MRPL47: variants seen among roughly 807,000 people sequenced by gnomAD.
MRPL47 encodes large ribosomal subunit protein uL29m.
MRPL47 carries 31 observed loss-of-function variants against 34.0 expected under a neutral mutation model. The observed-to-expected ratio is 0.91, with a 90% CI of 0.68 to 1.23. The LOEUF (loss-of-function observed/expected upper bound fraction) is 1.23, where lower values mean the gene tolerates loss of function less well. Among genes scored for constraint, MRPL47 ranks in the 50% most tolerant of loss-of-function variants. The pLI is 0.00. For missense variants in MRPL47, 328 were observed against 285.8 expected (o/e 1.15, Z -1.07); for synonymous variants, 106 against 101.6 (o/e 1.04, Z -0.26).
rs777428724 is a variant in MRPL47 at position 179,604,562 on chromosome 3, T to G, written c.63A>C (p.Arg21=). The G allele has an allele frequency of 6.2e-7, 1 of 1,614,202 alleles. No individual in the cohort carries two copies. The highest frequency in any genetic ancestry group is 1.1e-5 in the South Asian group (1 of 91,084). ...CAGGGACCTGAGGAGTTATTAACGA[T>G]CGGGAAGATTTCAGGGCGGATGAAA... ...RRVSSALKSS[R]SLITPQVPAC... Residue 21 remains arginine, a synonymous_variant, in exon 1 of 7, where the codon CGA becomes CGC. Coordinates refer to ENST00000476781, the MANE Select transcript of MRPL47 (RefSeq NM_020409.3).
chr3:179,594,115 T>A (rs1718738537), intron 4 of MRPL47, among the ~76,000 whole-genome samples: 2 of 152,242 alleles, frequency 1.3e-5, no homozygotes, highest in Admixed American at 1.3e-4. Context: ...CAGTTTTAAC[T>A]ACAAATATAT....
chr3:179,594,308 C>CA (rs1205908394), intron 4 of MRPL47, among the ~76,000 whole-genome samples: 2 of 152,164 alleles, frequency 1.3e-5, no homozygotes, highest in African/African-American at 2.4e-5. Flanking sequence ...CATGCAGACA[C>CA]AGATATTGTG....
intron 4 of MRPL47, among the ~76,000 whole-genome samples, chr3:179,598,425 C>CACACAAAAAA (rs1718841949): frequency 7.9e-6 from 1 of 125,916 alleles, no homozygotes; most frequent in Non-Finnish European, 1.6e-5. Flanking sequence ...CACACACACA[C>CACACAAAAAA]AAACAAAAAA....
chr3:179,598,654 C>G (rs1718851360), intron 4 of MRPL47, 21 bp downstream of exon 4: 1 of 1,479,534 alleles, frequency 6.8e-7, no homozygotes, highest in African/African-American at 1.4e-5. Flanking sequence ...ATACCAGTCT[C>G]CAGCCTCTCC....
At chr3:179,599,869 T>C (rs1471783731) in intron 3 of MRPL47, among the ~76,000 whole-genome samples, 6 of 152,198 alleles carry the variant, frequency 3.9e-5, no homozygotes, top group Non-Finnish European at 8.8e-5. Flanking sequence ...CTCACACCTG[T>C]AATCCCAGCA....
intron 6 of MRPL47, among the ~76,000 whole-genome samples, chr3:179,590,028 C>A (rs1386081069): frequency 6.6e-6 from 1 of 152,122 alleles, no homozygotes; most frequent in Non-Finnish European, 1.5e-5. Context: ...TGGATTGATA[C>A]ATTCTCATAC....
At chr3:179,602,204 C>A (rs749404889) in intron 2 of MRPL47, among the ~76,000 whole-genome samples, 2 of 152,008 alleles carry the variant, frequency 1.3e-5, no homozygotes, top group African/African-American at 4.8e-5. Context: ...ATTAGCCGGG[C>A]GTGGTGGCAC....
chr3:179,594,463 G>A (rs1718749647), intron 4 of MRPL47, among the ~76,000 whole-genome samples: 1 of 152,110 alleles, frequency 6.6e-6, no homozygotes. Context: ...GTTTTATAAT[G>A]TATATATTGG....
Position 179,598,397 on chromosome 3 carries a change from G to GACACACACACACACACACAC in MRPL47, c.402+258_402+277dup, listed in dbSNP as rs11455585. On this transcript the variant is annotated intron_variant, in intron 4 of 6. Transcript: ENST00000476781. ...CAGAGTGAGACCCACCTGACACACTGACACACACACACACACACACACACA... is the reference window on the plus strand; with the variant it reads ...CAGAGTGAGACCCACCTGACACACTGACACACACACACACACACACACACACACACACACACACACACACA... Among the ~76,000 whole-genome samples, 763 of 102,924 alleles carry GACACACACACACACACACAC rather than the reference G, an allele frequency of 7.4e-3. 26 individuals carry two copies. Among genetic ancestry groups the GACACACACACACACACACAC allele is most frequent in the East Asian group, 0.04 (137 of 3,456 alleles). The allele number at this position is 102,924 out of a possible 152,430, so 67.5% of individuals were successfully genotyped here. A position where few individuals can be genotyped will look rare whatever the true frequency, so the allele number is the denominator to read the frequency against.
At chr3:179,590,319 C>G (rs1214253666) in intron 6 of MRPL47, among the ~76,000 whole-genome samples, 1 of 148,572 alleles carries the variant, frequency 6.7e-6, no homozygotes. Flanking sequence ...AGCCTGGCAA[C>G]AGAGCAAGAC....
intron 3 of MRPL47, 101 bp downstream of exon 3, chr3:179,601,629 T>A: frequency 1.4e-6 from 1 of 726,874 alleles, no homozygotes; most frequent in Non-Finnish European, 2.4e-6. Context: ...ACAAAAGAAA[T>A]CGCTTTACTC....
In MRPL47 at chr3:179,604,594, T is replaced by C; in HGVS notation, c.31A>G (p.Arg11Gly). Residue 11 changes from arginine to glycine, a missense_variant, in exon 1 of 7, where the codon AGG (arginine) becomes GGG (glycine). Arg to Gly is a moderately radical substitution (Grantham distance 125, BLOSUM62 -2). Coordinates refer to ENST00000476781, the MANE Select transcript of MRPL47 (RefSeq NM_020409.3). ...GATTTCAGGGCGGATGAAACTCTCCTACAAAGAAGGGCCAAACCGGCCGCA... is the reference window on the plus strand; with the variant it reads ...GATTTCAGGGCGGATGAAACTCTCCCACAAAGAAGGGCCAAACCGGCCGCA... MAAAGLALLC[R>G]RVSSALKSSR... The C allele has an allele frequency of 6.2e-7, 1 of 1,614,222 alleles. No individual in the cohort carries two copies. The highest frequency in any genetic ancestry group is 1.1e-5 in the South Asian group (1 of 91,082).
In MRPL47 at chr3:179,593,895, C is replaced by A. The variant is rs770398165; in HGVS notation, c.403G>T (p.Val135Leu). 2 of 1,608,434 alleles carry A rather than the reference C, an allele frequency of 1.2e-6. No individual in the cohort carries two copies. Among genetic ancestry groups the A allele is most frequent in the South Asian group, 1.1e-5 (1 of 89,858 alleles). Residue 135 changes from valine to leucine, a missense_variant and splice_region_variant, in exon 5 of 7, where the codon GTA becomes TTA. Val to Leu is a conservative substitution (Grantham distance 32, BLOSUM62 1). Coordinates refer to ENST00000476781, the MANE Select transcript of MRPL47 (RefSeq NM_020409.3). ...PMPSPERLDKVVDSMDALDKV... is the reference protein window; with the variant it reads ...PMPSPERLDKLVDSMDALDKV... ...TCTAATGCATCCATGGAATCTACTA[C>A]CTGAAAAGAGAATAGAAAGATACAA...
At chr3:179,592,583 A>G (rs1718700740) in intron 6 of MRPL47, 61 bp downstream of exon 6, 1 of 995,040 alleles carries the variant, frequency 1.0e-6, no homozygotes, top group Non-Finnish European at 1.6e-6. Flanking sequence ...CTGGTATGAT[A>G]TATGACCATA....
intron 2 of MRPL47, among the ~76,000 whole-genome samples, chr3:179,602,215 G>A (rs1012897631): frequency 2.0e-5 from 3 of 152,072 alleles, no homozygotes; most frequent in Non-Finnish European, 2.9e-5. Flanking sequence ...GTGGTGGCAC[G>A]TGCCTGTAAT....
At chr3:179,590,289 A>C (rs577958637) in intron 6 of MRPL47, among the ~76,000 whole-genome samples, 1 of 151,924 alleles carries the variant, frequency 6.6e-6, no homozygotes, top group Non-Finnish European at 1.5e-5. Flanking sequence ...CAGTGAGCCG[A>C]GATCGCACCA....
chr3:179,595,827 C>T (rs993220283), intron 4 of MRPL47, among the ~76,000 whole-genome samples: 13 of 152,316 alleles, frequency 8.5e-5, no homozygotes, highest in African/African-American at 1.4e-4. Context: ...TTTCTCAGTG[C>T]CAGGAGCGTC....
At chr3:179,589,026 T>C (rs371097684) in intron 6 of MRPL47, 31 bp from the exon 7 acceptor site, 14 of 1,579,326 alleles carry the variant, frequency 8.9e-6, no homozygotes, top group Non-Finnish European at 1.2e-5. Context: ...CAGCAATTTA[T>C]ACAAAAATAT....
chr3:179,589,132 T>C, intron 6 of MRPL47, 137 bp from the exon 7 acceptor site: 2 of 824,654 alleles, frequency 2.4e-6, no homozygotes, highest in Non-Finnish European at 3.6e-6. Context: ...ATATATATTA[T>C]TAAACTTGAA....
Sources: gnomAD v4.1 joint callset for allele counts (sites outside exome capture counted in the v4.1 genomes callset) on GRCh38, gnomAD v4.1.1 for gene constraint, MANE v1.5 for transcripts, NCBI Gene and HGNC (gene_info 2026-07-23, HGNC 2026-07-21) for gene names.